NBN: variants seen among roughly 807,000 people sequenced by gnomAD.
NBN encodes nibrin.
A neutral mutation model predicts 90.8 loss-of-function variants in NBN; 88 were observed. The ratio of observed to expected loss-of-function variants is 0.97; its 90% confidence interval spans 0.82 to 1.16. The LOEUF is 1.16. Ranked by LOEUF, NBN falls within the 50% of genes most tolerant of loss-of-function variation. NBN has a pLI of 0.00. For missense variants in NBN, 894 were observed against 869.6 expected, an observed-to-expected ratio of 1.03 and a Z score of -0.35; for synonymous variants, 328 against 295.1, an observed-to-expected ratio of 1.11 and a Z score of -1.14.
At chr8:89,981,765 A>T (rs1812081878) in intron 2 of NBN, 2 of 534,186 alleles carry the variant, frequency 3.7e-6, no homozygotes, top group Non-Finnish European at 6.5e-6. Context: ...TATTTGTGTA[A>T]GTCAGTGGGG....
At chr8:89,964,884 C>T (rs984032480) in intron 7 of NBN, among the ~76,000 whole-genome samples, 4 of 151,966 alleles carry the variant, frequency 2.6e-5, no homozygotes, top group East Asian at 3.9e-4. Context: ...GAGGCTGAGG[C>T]GGGTGGATCA....
At chr8:89,980,992 A>G in intron 3 of NBN, 99 bp from the exon 4 acceptor site, 1 of 1,024,254 alleles carries the variant, frequency 9.8e-7, no homozygotes, top group Non-Finnish European at 1.5e-6. Flanking sequence ...ATATACTGTT[A>G]TTGTAACTTT....
At position 89,947,921 on chromosome 8, in the gene NBN, C is replaced by T. The variant is rs1810273329; in HGVS notation, c.1846-29G>A. ...AAGAAATAAAATAAAAAATACTGTT[C>T]ATAGGAGTAATAAAATGGTATGTTT... On this transcript the variant is annotated intron_variant, in intron 11 of 15. Transcript: ENST00000265433. 4 of 1,329,240 alleles carry T rather than the reference C, an allele frequency of 3.0e-6. No individual in the cohort carries two copies. In the South Asian group the frequency reaches 5.1e-5, roughly 17 times the overall value. 82.3% of individuals were successfully genotyped at this position (1,329,240 alleles called of 1,614,324 possible).
At chr8:89,940,429 G>A (rs1809886457) in intron 14 of NBN, among the ~76,000 whole-genome samples, 1 of 152,070 alleles carries the variant, frequency 6.6e-6, no homozygotes, top group Admixed American at 6.6e-5. Context: ...GCTGAATTCT[G>A]TTCTTATGGG....
At chr8:89,967,371 A>C (rs1811304538) in intron 7 of NBN, among the ~76,000 whole-genome samples, 1 of 152,240 alleles carries the variant, frequency 6.6e-6, no homozygotes, top group Non-Finnish European at 1.5e-5. Flanking sequence ...TTCACACAGG[A>C]GAAAACTGGG....
intron 13 of NBN, among the ~76,000 whole-genome samples, chr8:89,943,732 G>T (rs1170670173): frequency 2.0e-5 from 3 of 152,046 alleles, no homozygotes; most frequent in Admixed American, 2.0e-4. Context: ...TGACTTCAAA[G>T]CTTAAGCCCT....
chr8:89,946,285 T>C lies in NBN; in HGVS notation c.1925A>G (p.Lys642Arg), dbSNP rs587781547. 19 of 1,582,248 alleles carry C rather than the reference T, an allele frequency of 1.2e-5. No individual in the cohort carries two copies. The highest frequency in any genetic ancestry group is 5.0e-5 in the Admixed American group (3 of 59,956). ...AAGCATCTCACTATCATCCTGAAGT[T>C]TGTCATTGTTCTTAAATGGGGTTAA... is the stretch of plus-strand genomic sequence containing the variant. Reference protein sequence around the residue: ...WSAKEISNNDKLQDDSEMLPK... With the variant: ...WSAKEISNNDRLQDDSEMLPK... The change falls in exon 13 of 16, where the codon AAA (lysine) becomes AGA (arginine). Residue 642 changes from lysine to arginine, a missense_variant. Physicochemically the swap from Lys to Arg is conservative, Grantham distance 26. Coordinates refer to ENST00000265433, the MANE Select transcript of NBN (RefSeq NM_002485.5).
intron 8 of NBN, among the ~76,000 whole-genome samples, chr8:89,960,968 C>T (rs1449377675): frequency 1.3e-5 from 2 of 152,126 alleles, no homozygotes; most frequent in Non-Finnish European, 2.9e-5. Context: ...CCCACCTAAA[C>T]CTACCTACGA....
rs1391598284 is a variant in NBN, at chr8:89,981,524, C to A, written c.172-1G>T. Reference sequence around the variant, plus strand: ...ATACAGGGATTTCATCTGTTTGACTCTGAAAAGTTAGCAAATAATTTAAAG... The same window carrying A: ...ATACAGGGATTTCATCTGTTTGACTATGAAAAGTTAGCAAATAATTTAAAG... On this transcript the variant is annotated splice_acceptor_variant, in intron 2 of 15. Coordinates refer to ENST00000265433, the MANE Select transcript of NBN (RefSeq NM_002485.5). LOFTEE classifies it high-confidence loss of function. 1.2e-6 allele frequency: 2 copies of A among 1,612,808 alleles called. No homozygotes were observed. The highest frequency in any genetic ancestry group is 2.2e-5 in the South Asian group (2 of 91,022).
intron 10 of NBN, among the ~76,000 whole-genome samples, chr8:89,954,189 T>C (rs1202245941): frequency 6.6e-6 from 1 of 152,144 alleles, no homozygotes; most frequent in African/African-American, 2.4e-5. Context: ...AAAAGTTTCC[T>C]ATACAATACT....
rs1057523869 is a variant in NBN, at chr8:89,978,213, A to T, written c.584+7T>A. On this transcript the variant is annotated splice_region_variant and intron_variant, in intron 5 of 15. Transcript: ENST00000265433. ...ACATCTTGTTATATTTAAAATACAT[A>T]ATATACCTTTCAATTTGTGGAGGCT... 1.3e-6 allele frequency: 2 copies of T among 1,596,164 alleles called. No individual in the cohort carries two copies. The highest frequency in any genetic ancestry group is 1.7e-6 in the Non-Finnish European group (2 of 1,163,924).
In NBN at chr8:89,934,057, G is replaced by A. The variant is rs1809554039; in HGVS notation, c.*1525C>T. ...CAAATATAAAAACTGCTATAGTAGG[G>A]CAGTCTTCCTTAGAAAGGGATTGTG... On this transcript the variant is annotated 3_prime_UTR_variant, in exon 16 of 16. Transcript: ENST00000265433. The A allele has an allele frequency of 4.3e-6, 1 of 230,080 alleles. No homozygotes were observed. The highest frequency in any genetic ancestry group is 2.2e-5 in the African/African-American group (1 of 45,302). 14.3% of individuals were successfully genotyped at this position (230,080 alleles called of 1,614,324 possible).
At chr8:89,949,242 A>C (rs1810334141) in intron 11 of NBN, among the ~76,000 whole-genome samples, 1 of 151,990 alleles carries the variant, frequency 6.6e-6, no homozygotes, top group Non-Finnish European at 1.5e-5. Context: ...TTACTTAAAA[A>C]CTCCCACTAT....
At position 89,958,837 on chromosome 8, in the gene NBN, G is replaced by T. The variant is rs1554560467; in HGVS notation, c.1012C>A (p.Pro338Thr). 6.2e-7 allele frequency: 1 copy of T among 1,613,686 alleles called. No homozygotes were observed. The highest frequency in any genetic ancestry group is 1.3e-5 in the African/African-American group (1 of 74,896). The change falls in exon 9 of 16, where the codon CCA (proline) becomes ACA (threonine). Residue 338 changes from proline (P) to threonine (T), a missense_variant. By Grantham distance (38) the Pro-to-Thr change is conservative. Coordinates refer to ENST00000265433, the MANE Select transcript of NBN (RefSeq NM_002485.5). ...ACGCCTTGTGAAAGGCTTGGTCCTGGAGTTGTTGTCTTTAATCCTGTAAAT... is the reference window on the plus strand; with the variant it reads ...ACGCCTTGTGAAAGGCTTGGTCCTGTAGTTGTTGTCTTTAATCCTGTAAAT... ...HPSTGLKTTTPGPSLSQGVSV... is the reference protein window; with the variant it reads ...HPSTGLKTTTTGPSLSQGVSV...
At chr8:89,961,811 G>A (rs536606144) in intron 8 of NBN, among the ~76,000 whole-genome samples, 60 of 152,098 alleles carry the variant, frequency 3.9e-4, no homozygotes, top group Admixed American at 1.6e-3. Context: ...ATTGAATAGT[G>A]GCATAGTGAA....
In NBN at chr8:89,981,519, T is replaced by A; in HGVS notation, c.176A>T (p.Gln59Leu). Reference protein sequence around the residue: ...TANFSVTNLSQTDEIPVLTLK... With the variant: ...TANFSVTNLSLTDEIPVLTLK... The stretch of plus-strand genomic sequence containing the variant: ...TGTCAATACAGGGATTTCATCTGTT[T>A]GACTCTGAAAAGTTAGCAAATAATT... Residue 59 changes from glutamine (Q) to leucine (L), a missense_variant, in exon 3 of 16, where the codon CAA (glutamine) becomes CTA (leucine). Gln to Leu is a moderately radical substitution (Grantham distance 113). Coordinates refer to ENST00000265433, the MANE Select transcript of NBN (RefSeq NM_002485.5). 1 of 1,613,194 alleles carries A rather than the reference T, an allele frequency of 6.2e-7. No homozygotes were observed. The highest frequency in any genetic ancestry group is 8.5e-7 in the Non-Finnish European group (1 of 1,179,362).
At position 89,951,228 on chromosome 8, in the gene NBN, C is replaced by T. The variant is rs546063974; in HGVS notation, c.1845+2016G>A. Among the ~76,000 whole-genome samples the T allele has an allele frequency of 5.9e-3, 857 of 146,454 alleles. 2 individuals carry two copies. The highest frequency in any genetic ancestry group is 0.01 in the South Asian group (48 of 4,592). On this transcript the variant is annotated intron_variant, in intron 11 of 15. Coordinates refer to ENST00000265433, the MANE Select transcript of NBN (RefSeq NM_002485.5). ...TAGGGATGCTGAGGCAGGAGAATGG[C>T]GTGAACCCGGGAGGCGGAGCTTGCA...
At chr8:89,961,864 G>C (rs1485221368) in intron 8 of NBN, among the ~76,000 whole-genome samples, 4 of 152,100 alleles carry the variant, frequency 2.6e-5, no homozygotes, top group East Asian at 3.9e-4. Flanking sequence ...ACCATTACTA[G>C]GGCAATTACT....
chr8:89,940,775 A>G (rs1809903841), intron 14 of NBN, among the ~76,000 whole-genome samples: 1 of 152,226 alleles, frequency 6.6e-6, no homozygotes, highest in Admixed American at 6.5e-5. Context: ...GAACAATGAA[A>G]TGAAAAAAGA....
Sources: allele counts gnomAD v4.1 joint callset (sites outside exome capture counted in the v4.1 genomes callset), GRCh38; gene constraint gnomAD v4.1.1; transcripts MANE v1.5; gene names NCBI Gene and HGNC (gene_info 2026-07-23, HGNC 2026-07-21).